The following SLC16A12 variants were observed in gnomAD, a reference collection of about 807,000 sequenced individuals.
The protein encoded by SLC16A12 is monocarboxylate transporter 12.
SLC16A12 carries 17 observed loss-of-function variants against 42.4 expected under a neutral mutation model. The ratio of observed to expected loss-of-function variants is 0.40; its 90% CI spans 0.27 to 0.60. The LOEUF (loss-of-function observed/expected upper bound fraction) is 0.60. Among genes scored for constraint, SLC16A12 ranks in the 20% least tolerant of loss-of-function variants. SLC16A12 has a pLI of 0.42. For synonymous variants in SLC16A12, 224 were observed against 229.4 expected, an observed-to-expected ratio of 0.98 and a Z score of 0.21; for missense variants, 544 against 623.0, an observed-to-expected ratio of 0.87 and a Z score of 1.35.
upstream of SLC16A12, among the ~76,000 whole-genome samples, chr10:89,539,609 G>A (rs183222163): frequency 3.3e-5 from 5 of 152,352 alleles, no homozygotes; most frequent in East Asian, 9.6e-4. Flanking sequence ...ATTGGCTACA[G>A]ATAAGTAATA....
At chr10:89,457,565 T>G (rs303164) in intron 3 of SLC16A12, among the ~76,000 whole-genome samples, 28,188 of 152,170 alleles carry the variant, frequency 0.19, 2,755 homozygotes, top group Non-Finnish European at 0.22. Flanking sequence ...TAGAAGACAG[T>G]GCGGTGATTC....
At chr10:89,463,327 T>C (rs1263848255) in intron 2 of SLC16A12, among the ~76,000 whole-genome samples, 2 of 152,064 alleles carry the variant, frequency 1.3e-5, no homozygotes, top group Admixed American at 1.3e-4. Context: ...GAAGTAAGAA[T>C]AGAATGAGAA....
rs1564823646 is a variant in SLC16A12 at position 89,436,300 on chromosome 10, A to G, written c.1048T>C (p.Tyr350His). Residue 350 changes from tyrosine (Y) to histidine (H), a missense_variant, in exon 7 of 8, where the codon TAT (tyrosine) becomes CAT (histidine). Transcript: ENST00000371790. ...CCCACGGCAAAGAGGTAGCAAACAT[A>G]CTGGTAATTCTTCAGACACCTGTAG... ...TDRRCLKNYQ[Y>H]VCYLFAVGMD... 2 of 1,614,012 alleles carry G rather than the reference A, an allele frequency of 1.2e-6. No homozygotes were observed. Among genetic ancestry groups the G allele is most frequent in the African/African-American group, 1.3e-5 (1 of 74,924 alleles).
intron 2 of SLC16A12, among the ~76,000 whole-genome samples, chr10:89,517,856 C>A (rs7903979): frequency 1.1e-3 from 162 of 152,118 alleles, no homozygotes; most frequent in African/African-American, 3.7e-3. Context: ...GAGTTATCCC[C>A]CTATTACAAC....
chr10:89,496,857 C>T (rs1842928552), intron 2 of SLC16A12, among the ~76,000 whole-genome samples: 1 of 152,050 alleles, frequency 6.6e-6, no homozygotes, highest in South Asian at 2.1e-4. Context: ...ATATCTGCAA[C>T]ATGTATAACC....
At chr10:89,433,422 C>G (rs1841725116) in intron 7 of SLC16A12, 96 bp from the exon 8 acceptor site, 5 of 1,258,418 alleles carry the variant, frequency 4.0e-6, no homozygotes, top group South Asian at 2.5e-5. Context: ...AATAATAGAT[C>G]GATAGCACCA....
chr10:89,437,042 A>G (rs148895411), intron 6 of SLC16A12, among the ~76,000 whole-genome samples: 2 of 152,164 alleles, frequency 1.3e-5, no homozygotes, highest in South Asian at 4.1e-4. Flanking sequence ...GATGTAAAGG[A>G]TCAGAAGGGT....
At chr10:89,463,688 G>T (rs978957982) in intron 2 of SLC16A12, among the ~76,000 whole-genome samples, 1 of 152,086 alleles carries the variant, frequency 6.6e-6, no homozygotes, top group East Asian at 1.9e-4. Flanking sequence ...AAACCAAAAG[G>T]TAAGCCACAG....
At chr10:89,516,735 C>T (rs1479847457) in intron 2 of SLC16A12, among the ~76,000 whole-genome samples, 1 of 152,162 alleles carries the variant, frequency 6.6e-6, no homozygotes, top group Non-Finnish European at 1.5e-5. Flanking sequence ...TCAATAGCTT[C>T]CTTATTTTCA....
At chr10:89,452,636 T>C (rs892185086) in intron 3 of SLC16A12, among the ~76,000 whole-genome samples, 1 of 152,082 alleles carries the variant, frequency 6.6e-6, no homozygotes, top group African/African-American at 2.4e-5. Flanking sequence ...TTGATCCTTG[T>C]GGTAGGAAAG....
At chr10:89,501,204 A>G (rs1210392302) in intron 2 of SLC16A12, among the ~76,000 whole-genome samples, 1 of 152,212 alleles carries the variant, frequency 6.6e-6, no homozygotes, top group Admixed American at 6.5e-5. Context: ...GGGTAGAATC[A>G]ATATTGTGAT....
chr10:89,503,847 G>A (rs529108360), intron 2 of SLC16A12, among the ~76,000 whole-genome samples: 9 of 152,288 alleles, frequency 5.9e-5, no homozygotes, highest in African/African-American at 1.9e-4. Context: ...AGAGGCTGTG[G>A]AGGAAGACAA....
At chr10:89,492,829 C>T (rs1489032063) in intron 2 of SLC16A12, among the ~76,000 whole-genome samples, 3 of 151,992 alleles carry the variant, frequency 2.0e-5, no homozygotes, top group Admixed American at 1.3e-4. Context: ...GTCTACCCAA[C>T]ATCTATGCCC....
chr10:89,527,809 A>G (rs1843479942), intron 2 of SLC16A12, among the ~76,000 whole-genome samples: 1 of 151,704 alleles, frequency 6.6e-6, no homozygotes, highest in African/African-American at 2.4e-5. Flanking sequence ...CTCTTAAAAA[A>G]AAAAAGAGAG....
chr10:89,446,998 A>G (rs1280065593), intron 3 of SLC16A12, among the ~76,000 whole-genome samples: 1 of 152,208 alleles, frequency 6.6e-6, no homozygotes, highest in East Asian at 1.9e-4. Flanking sequence ...AACAAAGATC[A>G]AAAGAGACAA....
intron 2 of SLC16A12, among the ~76,000 whole-genome samples, chr10:89,480,178 C>A (rs1168172823): frequency 6.6e-6 from 1 of 152,188 alleles, no homozygotes; most frequent in African/African-American, 2.4e-5. Context: ...TACTACTACT[C>A]TTTGAGGCCA....
At chr10:89,494,190 A>G (rs1243740015) in intron 2 of SLC16A12, among the ~76,000 whole-genome samples, 2 of 152,254 alleles carry the variant, frequency 1.3e-5, no homozygotes, top group Admixed American at 6.5e-5. Context: ...CCATTGGTCC[A>G]GCATCAAAAA....
chr10:89,507,170 A>G lies in SLC16A12; in HGVS notation c.-47+27331T>C, dbSNP rs187348449. 3.7e-3 allele frequency among the ~76,000 whole-genome samples: 564 copies of G among 152,318 alleles called. 2 individuals are homozygous for G. The highest frequency in any genetic ancestry group is 0.012 in the African/African-American group (516 of 41,576). ...ATCACTCTTCAGGATATTATCCAGAACTTCCCCAACATAGCAAGGCAGGCC... is the reference window on the plus strand; with the variant it reads ...ATCACTCTTCAGGATATTATCCAGAGCTTCCCCAACATAGCAAGGCAGGCC... On this transcript the variant is annotated intron_variant, in intron 2 of 7. Transcript: ENST00000371790.
chr10:89,524,511 C>T (rs999186621), intron 2 of SLC16A12, among the ~76,000 whole-genome samples: 4 of 152,204 alleles, frequency 2.6e-5, no homozygotes, highest in Non-Finnish European at 2.9e-5. Context: ...ACCTGTTGCT[C>T]CTACTGCCTA....
Sources: allele counts gnomAD v4.1 joint callset (sites outside exome capture counted in the v4.1 genomes callset), GRCh38; gene constraint gnomAD v4.1.1; transcripts MANE v1.5; gene names NCBI Gene and HGNC (gene_info 2026-07-23, HGNC 2026-07-21).